Variants in FLYWCH1 observed in about 807,000 individuals in gnomAD.
The protein encoded by FLYWCH1 is FLYWCH-type zinc finger 1.
In FLYWCH1, 75 loss-of-function variants were observed where a neutral mutation model predicts 66.4. That is an observed-to-expected ratio of 1.13 (90% CI 0.94 to 1.37). The LOEUF is 1.37. Ranked by LOEUF, FLYWCH1 falls within the 40% of genes most tolerant of loss-of-function variation. The pLI is 0.00. For synonymous variants in FLYWCH1, 595 were observed against 429.9 expected (o/e 1.38, Z -4.75); for missense variants, 1,334 against 1,001.8 (o/e 1.33, Z -4.48).
rs768466983 is a variant in FLYWCH1 at position 2,929,979 on chromosome 16, G to T, written c.294G>T (p.Met98Ile). ...GGGTGGTCCAGCCAGCCCTAGAGAT[G>T]CCTGAACAGAAGTGCAGCAAGCTGG... ...QGGVVQPALE[M>I]PEQKCSKLDA... Residue 98 changes from methionine to isoleucine, a missense_variant, in exon 3 of 10, where the codon ATG (methionine) becomes ATT (isoleucine). Met to Ile is a conservative substitution (Grantham distance 10). Transcript: ENST00000253928. The T allele has an allele frequency of 1.9e-6, 3 of 1,609,302 alleles. No individual in the cohort carries two copies. The highest frequency in any genetic ancestry group is 2.2e-5 in the East Asian group (1 of 44,724).
At chr16:2,919,239 A>G (rs918023317) in intron 2 of FLYWCH1, among the ~76,000 whole-genome samples, 1 of 148,806 alleles carries the variant, frequency 6.7e-6, no homozygotes, top group Admixed American at 6.7e-5. Flanking sequence ...ATATGCGTGT[A>G]TATTTATTCA....
At chr16:2,930,050 G>C (rs1334140682) in intron 3 of FLYWCH1, 40 bp downstream of exon 3, 1 of 1,552,922 alleles carries the variant, frequency 6.4e-7, no homozygotes, top group Non-Finnish European at 8.8e-7. Flanking sequence ...CCACCCCGTG[G>C]GTTCCAGCGC....
chr16:2,949,141 A>G lies in FLYWCH1; in HGVS notation c.*414A>G, dbSNP rs901063880. 4 of 197,374 alleles carry G rather than the reference A, an allele frequency of 2.0e-5. No homozygotes were observed. The highest frequency in any genetic ancestry group is 4.2e-5 in the Non-Finnish European group (4 of 96,348). 12.2% of individuals were successfully genotyped at this position (197,374 alleles called of 1,614,324 possible). On this transcript the variant is annotated 3_prime_UTR_variant, in exon 10 of 10. Coordinates refer to ENST00000253928, the MANE Select transcript of FLYWCH1 (RefSeq NM_001308068.2). The stretch of plus-strand genomic sequence containing the variant: ...TGCAAAGTGAATGCTGCTGTCTTGG[A>G]GCCTGGGCACGTTTGGGGAAGTTCC...
At position 2,948,703 on chromosome 16, in the gene FLYWCH1, C is replaced by T. The variant is rs770280089; in HGVS notation, c.2127C>T (p.Val709=). The T allele has an allele frequency of 1.9e-6, 3 of 1,613,912 alleles. No homozygotes were observed. The highest frequency in any genetic ancestry group is 2.5e-6 in the Non-Finnish European group (3 of 1,179,802). Residue 709 remains valine, a synonymous_variant, in exon 10 of 10, where the codon GTC becomes GTT. Coordinates refer to ENST00000253928, the MANE Select transcript of FLYWCH1 (RefSeq NM_001308068.2). ...TTGTAATTAGGGACATCAAAGACGT[C>T]AGACTGGATGGCGAGTCCCAGTGAG... ...SQQIYGDIKD[V]RLDGESQ is the part of the protein sequence containing the mutation.
chr16:2,921,856 G>A (rs2070385441), intron 2 of FLYWCH1, among the ~76,000 whole-genome samples: 1 of 152,056 alleles, frequency 6.6e-6, no homozygotes, highest in Admixed American at 6.5e-5. Context: ...GAGGTCGGAA[G>A]TTCGAGACCA....
At chr16:2,942,529 T>C (rs1411249672) in intron 9 of FLYWCH1, among the ~76,000 whole-genome samples, 1 of 151,752 alleles carries the variant, frequency 6.6e-6, no homozygotes, top group Non-Finnish European at 1.5e-5. Context: ...CAGACCAGTA[T>C]TTCTTAGGAA....
At chr16:2,913,581 G>GA (rs2070063745) in intron 1 of FLYWCH1, among the ~76,000 whole-genome samples, 1 of 152,172 alleles carries the variant, frequency 6.6e-6, no homozygotes, top group Non-Finnish European at 1.5e-5. Context: ...GGTTGCTGCT[G>GA]AACACCCCAC....
chr16:2,927,557 C>G (rs1567328455), intron 2 of FLYWCH1, among the ~76,000 whole-genome samples: 1 of 152,188 alleles, frequency 6.6e-6, no homozygotes, highest in African/African-American at 2.4e-5. Context: ...ATAAAGCTAT[C>G]CTAATGGCTC....
In FLYWCH1 at chr16:2,933,989, G is replaced by C. The variant is rs2070890263; in HGVS notation, c.1513+10G>C. The C allele has an allele frequency of 6.6e-7, 1 of 1,513,738 alleles. No homozygotes were observed. Among genetic ancestry groups the C allele is most frequent in the Admixed American group, 2.0e-5 (1 of 49,182 alleles). The allele number at this position is 1,513,738 out of a possible 1,614,324, so 93.8% of individuals were successfully genotyped here. A position where few individuals can be genotyped will look rare whatever the true frequency, so the allele number is the denominator to read the frequency against. ...CAGCGGGGGAGCCCAGGTACCTGGG[G>C]GTGGGCTGGGAGCTGGGCCCCAGGA... is the stretch of plus-strand genomic sequence containing the variant. On this transcript the variant is annotated intron_variant, in intron 6 of 9. Coordinates refer to ENST00000253928, the MANE Select transcript of FLYWCH1 (RefSeq NM_001308068.2).
intron 2 of FLYWCH1, among the ~76,000 whole-genome samples, chr16:2,928,133 G>A (rs780247210): frequency 5.9e-5 from 9 of 152,234 alleles, no homozygotes; most frequent in Non-Finnish European, 8.8e-5. Flanking sequence ...ATTGCTGCCA[G>A]CGTATCTTGC....
intron 6 of FLYWCH1, chr16:2,936,323 G>T (rs756510581): frequency 2.2e-6 from 1 of 447,872 alleles, no homozygotes; most frequent in Non-Finnish European, 4.5e-6. Context: ...TCTGTCTCGT[G>T]GTCCCCAGGC....
chr16:2,941,657 G>C (rs555430825), intron 9 of FLYWCH1, among the ~76,000 whole-genome samples: 1 of 148,980 alleles, frequency 6.7e-6, no homozygotes, highest in Non-Finnish European at 1.5e-5. Flanking sequence ...TGGGAGGATC[G>C]CTTGAGCCCA....
intron 2 of FLYWCH1, among the ~76,000 whole-genome samples, chr16:2,925,184 G>T (rs561673245): frequency 6.6e-6 from 1 of 152,352 alleles, no homozygotes; most frequent in South Asian, 2.1e-4. Context: ...GCCTCGCCCT[G>T]GCTGGGAGGG....
At chr16:2,913,849 C>T (rs2070073402) in intron 1 of FLYWCH1, among the ~76,000 whole-genome samples, 1 of 131,020 alleles carries the variant, frequency 7.6e-6, no homozygotes, top group South Asian at 2.5e-4. Context: ...TGGAGTCATC[C>T]AGGAGCTTTA....
At chr16:2,925,581 A>AGG (rs71394755) in intron 2 of FLYWCH1, among the ~76,000 whole-genome samples, 1 of 83,500 alleles carries the variant, frequency 1.2e-5, no homozygotes, top group East Asian at 4.4e-4. Flanking sequence ...TTGCGGGGGG[A>AGG]GGGGGGTACG....
intron 2 of FLYWCH1, among the ~76,000 whole-genome samples, chr16:2,919,554 G>C (rs140204901): frequency 6.6e-5 from 10 of 151,994 alleles, no homozygotes; most frequent in Non-Finnish European, 1.5e-4. Context: ...GTGAGCCACC[G>C]CGTCTGGCCT....
In FLYWCH1 at chr16:2,945,485, C is replaced by CAA. The variant is rs60942194; in HGVS notation, c.2112-3183_2112-3182dup. 4.4e-3 allele frequency among the ~76,000 whole-genome samples: 388 copies of CAA among 87,884 alleles called. 4 individuals carry two copies. Among genetic ancestry groups the CAA allele is most frequent in the African/African-American group, 0.014 (305 of 22,528 alleles). 57.7% of individuals were successfully genotyped at this position (87,884 alleles called of 152,430 possible). A position where few individuals can be genotyped will look rare whatever the true frequency, so the allele number is the denominator to read the frequency against. On this transcript the variant is annotated intron_variant, in intron 9 of 9. Transcript: ENST00000253928. The stretch of plus-strand genomic sequence containing the variant: ...CTGGTGGCAGAGCGAGACTCCATCT[C>CAA]AAAAAAAAAAAAAAAAAAAAATTAG...
intron 2 of FLYWCH1, among the ~76,000 whole-genome samples, chr16:2,925,800 G>C (rs996604821): frequency 6.6e-6 from 1 of 152,152 alleles, no homozygotes; most frequent in Non-Finnish European, 1.5e-5. Context: ...CCTGGGGACC[G>C]GGCCTTAATG....
chr16:2,917,529 G>A (rs1000297428), intron 2 of FLYWCH1, among the ~76,000 whole-genome samples: 2 of 151,272 alleles, frequency 1.3e-5, no homozygotes, highest in East Asian at 2.0e-4. Context: ...ATGCCCGGCC[G>A]TTAATGATTT....
Sources: allele counts gnomAD v4.1 joint callset (sites outside exome capture counted in the v4.1 genomes callset), GRCh38; gene constraint gnomAD v4.1.1; transcripts MANE v1.5; gene names NCBI Gene and HGNC (gene_info 2026-07-23, HGNC 2026-07-21).